Variants in PCDH9 observed in about 807,000 individuals in gnomAD.
PCDH9 encodes protocadherin-9.
PCDH9 carries 24 observed loss-of-function variants against 70.6 expected under a neutral mutation model. The observed-to-expected ratio is 0.34, with a 90% CI of 0.25 to 0.48. PCDH9 has a LOEUF of 0.48. Among genes scored for constraint, PCDH9 ranks in the 20% least tolerant of loss-of-function variants. PCDH9 has a pLI of 0.99. For missense variants in PCDH9, 1,281 were observed against 1,503.6 expected, an observed-to-expected ratio of 0.85 and a Z score of 2.45; for synonymous variants, 562 against 558.5, an observed-to-expected ratio of 1.01 and a Z score of -0.09.
chr13:66,364,232 T>A (rs921050758), intron 4 of PCDH9, among the ~76,000 whole-genome samples: 1 of 152,226 alleles, frequency 6.6e-6, no homozygotes, highest in Non-Finnish European at 1.5e-5. Context: ...GTGCTTATTT[T>A]ATTTAAATGC....
chr13:66,491,554 T>A (rs1248582038), intron 4 of PCDH9, among the ~76,000 whole-genome samples: 2 of 152,144 alleles, frequency 1.3e-5, no homozygotes, highest in African/African-American at 4.8e-5. Flanking sequence ...AAAAGCTGAT[T>A]ATCTTCTCTT....
At position 67,225,068 on chromosome 13, in the gene PCDH9, T is replaced by C. The variant is rs190159061; in HGVS notation, c.3036+337A>G. 8.3e-4 allele frequency: 944 copies of C among 1,137,646 alleles called. 6 individuals are homozygous for C. In the African/African-American group the frequency reaches 0.014, roughly 17 times the overall value. The allele number at this position is 1,137,646 out of a possible 1,614,324, so 70.5% of individuals were successfully genotyped here. A position where few individuals can be genotyped will look rare whatever the true frequency, so the allele number is the denominator to read the frequency against. The stretch of plus-strand genomic sequence containing the variant: ...AGGTGAAAGTCTTGAAGCAGTCAAT[T>C]TGGAAACCCCCAGGAGCAGAATTTG... On this transcript the variant is annotated intron_variant, in intron 2 of 4. Transcript: ENST00000377865.
chr13:67,199,299 A>G (rs534408752), intron 2 of PCDH9, among the ~76,000 whole-genome samples: 18 of 151,874 alleles, frequency 1.2e-4, no homozygotes, highest in African/African-American at 4.3e-4. Context: ...TTGAAGATAA[A>G]CTAAATTAGT....
intron 3 of PCDH9, among the ~76,000 whole-genome samples, chr13:66,831,337 G>C (rs1361595705): frequency 6.6e-6 from 1 of 152,144 alleles, no homozygotes; most frequent in African/African-American, 2.4e-5. Context: ...CTGAGATGTG[G>C]CTTCTGGACA....
intron 3 of PCDH9, among the ~76,000 whole-genome samples, chr13:66,662,631 C>A (rs908865605): frequency 1.3e-5 from 2 of 152,068 alleles, no homozygotes; most frequent in African/African-American, 4.8e-5. Flanking sequence ...TGGAGCAGAC[C>A]GTCATACATG....
chr13:67,167,288 C>T (rs144073940), intron 2 of PCDH9, among the ~76,000 whole-genome samples: 85 of 152,140 alleles, frequency 5.6e-4, no homozygotes, highest in African/African-American at 1.8e-3. Context: ...CAGCAAATTA[C>T]TTAAGTTCTT....
chr13:67,171,795 A>G (rs1466190118), intron 2 of PCDH9, among the ~76,000 whole-genome samples: 2 of 152,174 alleles, frequency 1.3e-5, no homozygotes, highest in Non-Finnish European at 2.9e-5. Context: ...ACTTTCCTAC[A>G]AAGTGGGAAA....
chr13:66,967,830 A>T (rs1054569465), intron 2 of PCDH9, among the ~76,000 whole-genome samples: 5 of 152,050 alleles, frequency 3.3e-5, no homozygotes, highest in Non-Finnish European at 2.9e-5. Context: ...ATTGAATCCT[A>T]GAAAATGATG....
At chr13:66,851,992 T>C (rs2081322522) in intron 3 of PCDH9, among the ~76,000 whole-genome samples, 1 of 152,002 alleles carries the variant, frequency 6.6e-6, no homozygotes, top group Admixed American at 6.6e-5. Flanking sequence ...ATTGTGGGTA[T>C]GAAGAGAGAG....
chr13:67,000,892 C>T (rs757103043), intron 2 of PCDH9, among the ~76,000 whole-genome samples: 4 of 152,090 alleles, frequency 2.6e-5, no homozygotes, highest in Non-Finnish European at 4.4e-5. Flanking sequence ...TTTCCTGATC[C>T]TTTTAAAGTG....
intron 2 of PCDH9, among the ~76,000 whole-genome samples, chr13:67,172,504 A>T (rs2088316721): frequency 6.6e-6 from 1 of 152,140 alleles, no homozygotes; most frequent in Non-Finnish European, 1.5e-5. Context: ...TGCTGTTGGG[A>T]CTATTCAAAT....
chr13:66,836,218 T>C (rs1005009489), intron 3 of PCDH9, among the ~76,000 whole-genome samples: 2 of 152,204 alleles, frequency 1.3e-5, no homozygotes, highest in African/African-American at 2.4e-5. Flanking sequence ...ATTTCTCTTA[T>C]ACTCTTGACC....
At chr13:67,074,081 ATCTATCTG>A (rs780053688) in intron 2 of PCDH9, among the ~76,000 whole-genome samples, 10 of 120,192 alleles carry the variant, frequency 8.3e-5, no homozygotes, top group African/African-American at 1.2e-4. Flanking sequence ...TCTGTTTATT[ATCTATCTG>A]TCTGTCTATT....
chr13:67,227,416 G>A lies in PCDH9; in HGVS notation c.1025C>T (p.Ala342Val), dbSNP rs369636479. The change falls in exon 2 of 5, where the codon GCA (alanine) becomes GTA (valine). Residue 342 changes from alanine to valine, a missense_variant. Physicochemically the swap from Ala to Val is moderately conservative, Grantham distance 64 (BLOSUM62 0). This residue lies in a region of PCDH9 where 798 missense variants were observed against 1,003.1 expected (regional missense o/e 0.80). Coordinates refer to ENST00000377865, the MANE Select transcript of PCDH9 (RefSeq NM_203487.3). This position sits in a 1 kb window ranked among gnomAD's most constrained non-coding sequence, Gnocchi z 4.6. ...ASDGSSTPAR[A>V]TVTINVTDVN... is the part of the protein sequence containing the mutation. ...ATCGGTGACATTGATGGTAACCGTT[G>A]CTCGAGCAGGAGTGGAGCTGCCGTC... 1.2e-6 allele frequency: 2 copies of A among 1,613,750 alleles called. No homozygotes were observed. The highest frequency in any genetic ancestry group is 2.7e-5 in the African/African-American group (2 of 74,894).
In PCDH9 at chr13:67,059,365, A is replaced by AGT. The variant is rs560849251; in HGVS notation, c.3037-155762_3037-155761dup. ...ATATATATATATATTATATATATAT[A>AGT]GTGTGTATATATATATATAGTATAT... is the stretch of plus-strand genomic sequence containing the variant. On this transcript the variant is annotated intron_variant, in intron 2 of 4. Transcript: ENST00000377865. 4.4e-3 allele frequency among the ~76,000 whole-genome samples: 539 copies of AGT among 121,954 alleles called. 17 individuals are homozygous for AGT. The East Asian group carries it at 0.12, about 28-fold the overall frequency. The allele number at this position is 121,954 out of a possible 152,430, so 80.0% of individuals were successfully genotyped here.
intron 2 of PCDH9, among the ~76,000 whole-genome samples, chr13:66,949,985 A>G (rs2139699885): frequency 6.6e-6 from 1 of 152,248 alleles, no homozygotes; most frequent in South Asian, 2.1e-4. Flanking sequence ...CATGTCTTCT[A>G]GGTTCGATAT....
chr13:66,798,965 C>T (rs1400231237), intron 3 of PCDH9, among the ~76,000 whole-genome samples: 2 of 152,096 alleles, frequency 1.3e-5, no homozygotes, highest in Middle Eastern at 3.4e-3. Context: ...CAGCGCGTGC[C>T]ACCAGGTCCA....
chr13:67,213,819 AATTGT>A (rs1439909253), intron 2 of PCDH9: 8 of 152,198 alleles, frequency 5.3e-5, no homozygotes, highest in African/African-American at 1.9e-4. Flanking sequence ...AATCCAAAAC[AATTGT>A]ATTGCACTGA....
At chr13:66,886,746 G>A (rs2082010785) in intron 3 of PCDH9, among the ~76,000 whole-genome samples, 1 of 152,068 alleles carries the variant, frequency 6.6e-6, no homozygotes. Context: ...ATGTGTGTGG[G>A]TATCTGAAGA....
Sources: gnomAD v4.1 joint callset for allele counts (sites outside exome capture counted in the v4.1 genomes callset) on GRCh38, gnomAD v4.1.1 for gene constraint, gnomAD v4.1.1 regional missense constraint, Gnocchi (gnomAD v3.1) non-coding constraint, MANE v1.5 for transcripts, NCBI Gene and HGNC (gene_info 2026-07-23, HGNC 2026-07-21) for gene names.